RPS6KA5: variants seen among roughly 807,000 people sequenced by gnomAD.
RPS6KA5 encodes the protein ribosomal protein S6 kinase alpha-5.
Under a neutral mutation model 85.5 loss-of-function variants are expected in RPS6KA5, and 27 were observed. That is an observed-to-expected ratio of 0.32 (90% CI 0.23 to 0.44). The LOEUF is 0.44. RPS6KA5 is among the 20% of genes least tolerant of loss of function. RPS6KA5 has a pLI of 1.00. For missense variants in RPS6KA5, 811 were observed against 980.9 expected (o/e 0.83, Z 2.31); for synonymous variants, 334 against 348.2 (o/e 0.96, Z 0.46).
intron 3 of RPS6KA5, among the ~76,000 whole-genome samples, chr14:90,963,073 T>C (rs1021558014): frequency 2.0e-5 from 3 of 152,238 alleles, no homozygotes; most frequent in African/African-American, 7.2e-5. Flanking sequence ...TCTAGTTCAA[T>C]TTCATACAAC....
chr14:90,931,951 A>C (rs1304652437), intron 5 of RPS6KA5, among the ~76,000 whole-genome samples: 3 of 152,256 alleles, frequency 2.0e-5, no homozygotes, highest in Non-Finnish European at 4.4e-5. Context: ...CATTTAAAAA[A>C]CATGGTAATA....
intron 7 of RPS6KA5, among the ~76,000 whole-genome samples, chr14:90,917,691 T>C (rs1376865653): frequency 6.6e-6 from 1 of 151,986 alleles, no homozygotes; most frequent in East Asian, 1.9e-4. Flanking sequence ...GGTGTAATTA[T>C]TTTGAGATTC....
chr14:90,874,139 T>C (rs1261976388), intron 15 of RPS6KA5, among the ~76,000 whole-genome samples: 2 of 152,238 alleles, frequency 1.3e-5, no homozygotes, highest in Non-Finnish European at 2.9e-5. Flanking sequence ...AAACATTTAC[T>C]GGCCATCTTC....
Position 90,899,363 on chromosome 14 carries a change from T to C in RPS6KA5, c.1439A>G (p.Asn480Ser), listed in dbSNP as rs1351236661. The C allele has an allele frequency of 9.9e-6, 16 of 1,612,478 alleles. No individual in the cohort carries two copies. The highest frequency in any genetic ancestry group is 1.3e-5 in the African/African-American group (1 of 74,652). Residue 480 changes from asparagine to serine, a missense_variant, in exon 12 of 17, where the codon AAT (asparagine) becomes AGT (serine). Physicochemically the swap from Asn to Ser is conservative, Grantham distance 46. This residue lies in a region of RPS6KA5 where 650 missense variants were observed against 793.4 expected (regional missense o/e 0.82). Transcript: ENST00000614987. The part of the protein sequence containing the change: ...TALKLCEGHP[N>S]IVKLHEVFHD... Reference sequence around the variant, plus strand: ...AAAAACTTCATGCAACTTCACAATATTGGGGTGTCCTTCACAGAGTTTCAG... The same window carrying C: ...AAAAACTTCATGCAACTTCACAATACTGGGGTGTCCTTCACAGAGTTTCAG...
intron 5 of RPS6KA5, among the ~76,000 whole-genome samples, chr14:90,928,135 G>A (rs2140311242): frequency 6.6e-6 from 1 of 151,596 alleles, no homozygotes; most frequent in South Asian, 2.1e-4. Context: ...TTGCTATGTT[G>A]TCCAGGCTCC....
intron 1 of RPS6KA5, among the ~76,000 whole-genome samples, chr14:91,007,863 C>T (rs2041094026): frequency 6.6e-6 from 1 of 152,158 alleles, no homozygotes; most frequent in African/African-American, 2.4e-5. Flanking sequence ...TCCAGGTTCA[C>T]TGTTTTTTGA....
intron 5 of RPS6KA5, among the ~76,000 whole-genome samples, chr14:90,939,382 C>T (rs562001614): frequency 8.0e-4 from 122 of 152,346 alleles, no homozygotes; most frequent in African/African-American, 2.8e-3. Context: ...ACTGTTCCAA[C>T]CTCTGCCTGT....
At chr14:90,976,423 T>G (rs1000818410) in intron 3 of RPS6KA5, among the ~76,000 whole-genome samples, 1 of 152,168 alleles carries the variant, frequency 6.6e-6, no homozygotes, top group Non-Finnish European at 1.5e-5. Context: ...CTGGAAATTC[T>G]AGGGTAAAGA....
At chr14:90,910,664 TTTA>T (rs1333054850) in intron 7 of RPS6KA5, among the ~76,000 whole-genome samples, 2 of 151,226 alleles carry the variant, frequency 1.3e-5, no homozygotes, top group South Asian at 2.1e-4. Context: ...GCTCACTTCT[TTTA>T]TTATTATCAT....
chr14:90,854,336 CTT>C lies in RPS6KA5; in HGVS notation c.*17736_*17737del, dbSNP rs2032170204. 2.0e-5 allele frequency: 3 copies of C among 152,074 alleles called. No individual in the cohort carries two copies. Among genetic ancestry groups the C allele is most frequent in the Admixed American group, 2.0e-4 (3 of 15,280 alleles). The allele number at this position is 152,074 out of a possible 1,614,324, so 9.4% of individuals were successfully genotyped here. A position where few individuals can be genotyped will look rare whatever the true frequency, so the allele number is the denominator to read the frequency against. ...TTATAATCTGCTAACGTTTGAAAAA[CTT>C]AACATGAAATCAGCACAGAAACTAA... is the stretch of plus-strand genomic sequence containing the variant. On this transcript the variant is annotated 3_prime_UTR_variant, in exon 17 of 17. Transcript: ENST00000614987.
chr14:90,988,590 G>A (rs1440929182), intron 2 of RPS6KA5, among the ~76,000 whole-genome samples: 2 of 152,146 alleles, frequency 1.3e-5, no homozygotes, highest in Non-Finnish European at 2.9e-5. Context: ...GCCGAGGCGG[G>A]TGCATCACCT....
At chr14:90,987,700 C>CAGCA (rs1555373106) in intron 2 of RPS6KA5, among the ~76,000 whole-genome samples, 1 of 151,500 alleles carries the variant, frequency 6.6e-6, no homozygotes. Flanking sequence ...CAGCAGCAGC[C>CAGCA]ACAACAACAA....
chr14:90,913,296 C>T (rs968812398), intron 7 of RPS6KA5, among the ~76,000 whole-genome samples: 1 of 152,144 alleles, frequency 6.6e-6, no homozygotes, highest in Admixed American at 6.5e-5. Flanking sequence ...CTGAGAGGTG[C>T]ACACTCCGGC....
chr14:90,900,192 A>T lies in RPS6KA5; in HGVS notation c.1295T>A (p.Leu432Gln). The T allele has an allele frequency of 6.2e-7, 1 of 1,605,598 alleles. No homozygotes were observed. Among genetic ancestry groups the T allele is most frequent in the Admixed American group, 1.7e-5 (1 of 59,522 alleles). The change falls in exon 11 of 17, where the codon CTG (leucine) becomes CAG (glutamine). Residue 432 changes from leucine to glutamine, a missense_variant. Leu to Gln is a moderately radical substitution (Grantham distance 113, BLOSUM62 -2). Coordinates refer to ENST00000614987, the MANE Select transcript of RPS6KA5 (RefSeq NM_004755.4). ...HYDLDLKDKP[L>Q]GEGSFSICRK... ...ACAAATTGAAAAACTACCTTCTCCC[A>T]GGGGTTTGTCCTTCAAATCTAGGTC...
intron 1 of RPS6KA5, among the ~76,000 whole-genome samples, chr14:91,005,893 A>G (rs1325677537): frequency 6.6e-6 from 1 of 152,184 alleles, no homozygotes; most frequent in African/African-American, 2.4e-5. Context: ...AGTCATTCAC[A>G]TGCTTTAGTA....
intron 3 of RPS6KA5, among the ~76,000 whole-genome samples, chr14:90,964,232 T>C (rs958135370): frequency 2.0e-5 from 3 of 152,240 alleles, no homozygotes; most frequent in Non-Finnish European, 4.4e-5. Flanking sequence ...TCAAGTCGCA[T>C]GGCTCCTGCA....
Position 90,868,889 on chromosome 14 carries a change from TCAA to T in RPS6KA5, c.*3182_*3184del, listed in dbSNP as rs2032926560. The T allele has an allele frequency of 6.6e-6, 1 of 152,094 alleles. No individual in the cohort carries two copies. Among genetic ancestry groups the T allele is most frequent in the South Asian group, 2.1e-4 (1 of 4,832 alleles). The allele number at this position is 152,094 out of a possible 1,614,324, so 9.4% of individuals were successfully genotyped here. A position where few individuals can be genotyped will look rare whatever the true frequency, so the allele number is the denominator to read the frequency against. ...GTTAGTCATTTACATACTTAAGAAA[TCAA>T]CAGTAATCTAAAAAAATTAAAAGGC... On this transcript the variant is annotated 3_prime_UTR_variant, in exon 17 of 17. Transcript: ENST00000614987.
rs2031874594 is a variant in RPS6KA5 at position 90,849,362 on chromosome 14, CG to C, written c.*22711del. 1 of 152,214 alleles carries C rather than the reference CG, an allele frequency of 6.6e-6. No individual in the cohort carries two copies. Among genetic ancestry groups the C allele is most frequent in the Non-Finnish European group, 1.5e-5 (1 of 68,050 alleles). The allele number at this position is 152,214 out of a possible 1,614,324, so 9.4% of individuals were successfully genotyped here. A position where few individuals can be genotyped will look rare whatever the true frequency, so the allele number is the denominator to read the frequency against. On this transcript the variant is annotated 3_prime_UTR_variant, in exon 17 of 17. Transcript: ENST00000614987. ...AAGTTTTTTAAGAGGGCACGGACTC[CG>C]GATCTTTTATCTTATGAATAGATCC...
chr14:91,025,273 A>G (rs1458522492), intron 1 of RPS6KA5, among the ~76,000 whole-genome samples: 1 of 152,142 alleles, frequency 6.6e-6, no homozygotes, highest in Admixed American at 6.5e-5. Flanking sequence ...TGAACTCCTG[A>G]CCTCAGGTGA....
Sources: gnomAD v4.1 joint callset for allele counts (sites outside exome capture counted in the v4.1 genomes callset) on GRCh38, gnomAD v4.1.1 for gene constraint, gnomAD v4.1.1 regional missense constraint, MANE v1.5 for transcripts, NCBI Gene and HGNC (gene_info 2026-07-23, HGNC 2026-07-21) for gene names.